IMMP2L: variants seen among roughly 807,000 people sequenced by gnomAD.
IMMP2L encodes the protein inner mitochondrial membrane peptidase subunit 2, also known as mitochondrial inner membrane protease subunit 2.
Under a neutral mutation model 19.3 loss-of-function variants are expected in IMMP2L, and 18 were observed. The ratio of observed to expected loss-of-function variants is 0.93; its 90% CI spans 0.64 to 1.38. The LOEUF is 1.38. IMMP2L is among the 40% of genes most tolerant of loss of function. The pLI is 0.00. For synonymous variants in IMMP2L, 76 were observed against 73.0 expected, an observed-to-expected ratio of 1.04 and a Z score of -0.21; for missense variants, 233 against 218.2, an observed-to-expected ratio of 1.07 and a Z score of -0.43.
At chr7:110,717,019 T>C (rs899394288) in intron 5 of IMMP2L, among the ~76,000 whole-genome samples, 2 of 152,180 alleles carry the variant, frequency 1.3e-5, no homozygotes, top group African/African-American at 2.4e-5. Context: ...CTGAATGTTA[T>C]AAGAATATGA....
chr7:111,177,220 T>C (rs1423736678), intron 3 of IMMP2L, among the ~76,000 whole-genome samples: 1 of 152,092 alleles, frequency 6.6e-6, no homozygotes, highest in African/African-American at 2.4e-5. Flanking sequence ...TGCTCTGTCA[T>C]CGAGGCTAGA....
intron 3 of IMMP2L, among the ~76,000 whole-genome samples, chr7:111,343,463 G>A (rs1251594486): frequency 6.6e-6 from 1 of 151,804 alleles, no homozygotes; most frequent in African/African-American, 2.4e-5. Flanking sequence ...ACTTCCACTC[G>A]GCCTTCACTA....
At chr7:110,822,832 T>C (rs1803154913) in intron 5 of IMMP2L, among the ~76,000 whole-genome samples, 1 of 152,120 alleles carries the variant, frequency 6.6e-6, no homozygotes, top group Non-Finnish European at 1.5e-5. Flanking sequence ...TCTTTAATTA[T>C]TTGCTTACAT....
intron 3 of IMMP2L, among the ~76,000 whole-genome samples, chr7:111,366,742 A>G (rs1028552479): frequency 6.6e-6 from 1 of 152,040 alleles, no homozygotes; most frequent in Non-Finnish European, 1.5e-5. Flanking sequence ...CTAAAAAAAG[A>G]AGAATATATA....
intron 3 of IMMP2L, among the ~76,000 whole-genome samples, chr7:111,201,488 G>A (rs1047536396): frequency 3.3e-5 from 5 of 151,998 alleles, no homozygotes; most frequent in Admixed American, 1.3e-4. Flanking sequence ...GGCTGAGGGG[G>A]GCAGACTGCT....
intron 3 of IMMP2L, among the ~76,000 whole-genome samples, chr7:111,354,739 T>C (rs1400810070): frequency 1.3e-5 from 2 of 151,644 alleles, no homozygotes; most frequent in African/African-American, 2.4e-5. Context: ...AATAAGCAAC[T>C]GGAAGACTTA....
At chr7:111,374,326 G>A (rs1830498155) in intron 3 of IMMP2L, among the ~76,000 whole-genome samples, 1 of 151,982 alleles carries the variant, frequency 6.6e-6, no homozygotes, top group African/African-American at 2.4e-5. Context: ...AGCTAGTAAA[G>A]TCCTAGACTA....
At chr7:111,057,854 C>T (rs1793655218) in intron 3 of IMMP2L, among the ~76,000 whole-genome samples, 3 of 151,992 alleles carry the variant, frequency 2.0e-5, no homozygotes, top group Admixed American at 6.6e-5. Flanking sequence ...AAACATGTGG[C>T]CATTATAAAA....
At chr7:110,726,398 A>G (rs1452290349) in intron 5 of IMMP2L, among the ~76,000 whole-genome samples, 2 of 152,206 alleles carry the variant, frequency 1.3e-5, no homozygotes, top group African/African-American at 4.8e-5. Context: ...CAGAAGTAAT[A>G]ATTATATATA....
At chr7:111,531,657 T>C (rs1456100914) in intron 1 of IMMP2L, among the ~76,000 whole-genome samples, 1 of 152,164 alleles carries the variant, frequency 6.6e-6, no homozygotes, top group Non-Finnish European at 1.5e-5. Flanking sequence ...TTCAACACTG[T>C]ACTTTATTTT....
intron 1 of IMMP2L, among the ~76,000 whole-genome samples, chr7:111,527,725 C>T (rs1003069594): frequency 2.6e-5 from 4 of 152,046 alleles, no homozygotes; most frequent in African/African-American, 7.2e-5. Context: ...ACCTGAACAC[C>T]GTTGCTCTTT....
chr7:111,461,065 C>T (rs1840093451), intron 3 of IMMP2L, among the ~76,000 whole-genome samples: 1 of 152,102 alleles, frequency 6.6e-6, no homozygotes, highest in Admixed American at 6.6e-5. Flanking sequence ...GGTATTCCAT[C>T]AAGTGTACAT....
At chr7:111,212,375 G>C (rs1477848940) in intron 3 of IMMP2L, among the ~76,000 whole-genome samples, 1 of 152,200 alleles carries the variant, frequency 6.6e-6, no homozygotes, top group Admixed American at 6.5e-5. Context: ...TTGGAAAGCA[G>C]AGGCAGGTGG....
Position 110,995,599 on chromosome 7 carries a change from C to T in IMMP2L, c.240-32034G>A, listed in dbSNP as rs138956841. 3.0e-4 allele frequency among the ~76,000 whole-genome samples: 46 copies of T among 152,218 alleles called. No homozygotes were observed. In the East Asian group the frequency reaches 6.6e-3, roughly 22 times the overall value. ...TAAACAGTTGTTAAAATGTTTGGTA[C>T]ACAGACTTTGTATTTCAGTTCTTTC... On this transcript the variant is annotated intron_variant, in intron 3 of 5. Coordinates refer to ENST00000405709, the MANE Select transcript of IMMP2L (RefSeq NM_032549.4).
rs573958845 is a variant in IMMP2L, at chr7:110,936,271, A to C, written c.305+27229T>G. On this transcript the variant is annotated intron_variant, in intron 4 of 5. Transcript: ENST00000405709. ...ATCAGAGTGAACAGGCAACCTACAG[A>C]ATGGGAGAAAACTTTTGCAGTCTAT... 5.3e-5 allele frequency among the ~76,000 whole-genome samples: 8 copies of C among 152,312 alleles called. No individual in the cohort carries two copies. The South Asian group carries it at 1.7e-3, about 32-fold the overall frequency.
intron 4 of IMMP2L, among the ~76,000 whole-genome samples, chr7:110,912,605 A>G (rs757000361): frequency 4.0e-5 from 6 of 151,360 alleles, no homozygotes; most frequent in Non-Finnish European, 8.8e-5. Flanking sequence ...TTTTTACTTC[A>G]TGGGGGTAGG....
At chr7:110,865,123 C>T (rs1406049) in intron 5 of IMMP2L, among the ~76,000 whole-genome samples, 61,279 of 151,728 alleles carry the variant, frequency 0.4, 13,351 homozygotes, top group East Asian at 0.68. Context: ...TAAACTTTAC[C>T]TATTTTCTGT....
At chr7:111,168,549 A>G (rs1056546005) in intron 3 of IMMP2L, among the ~76,000 whole-genome samples, 3 of 151,910 alleles carry the variant, frequency 2.0e-5, no homozygotes, top group Non-Finnish European at 2.9e-5. Context: ...ACATTTATTG[A>G]CCTATGCTAA....
chr7:111,317,142 G>A (rs145066085), intron 3 of IMMP2L, among the ~76,000 whole-genome samples: 6 of 151,896 alleles, frequency 4.0e-5, no homozygotes, highest in Non-Finnish European at 2.9e-5. Flanking sequence ...TTTTTGGCTC[G>A]TTTGTACAGA....
Sources: gnomAD v4.1 joint callset for allele counts (sites outside exome capture counted in the v4.1 genomes callset) on GRCh38, gnomAD v4.1.1 for gene constraint, MANE v1.5 for transcripts, NCBI Gene and HGNC (gene_info 2026-07-23, HGNC 2026-07-21) for gene names.